CES5A: variants seen among roughly 807,000 people sequenced by gnomAD.
The protein encoded by CES5A is carboxylesterase 5.
A neutral mutation model predicts 62.9 loss-of-function variants in CES5A; 67 were observed. The ratio of observed to expected loss-of-function variants is 1.07; its 90% CI spans 0.88 to 1.31. The LOEUF is 1.31. CES5A is among the 50% of genes most tolerant of loss of function. CES5A has a pLI of 0.00. For missense variants in CES5A, 748 were observed against 708.5 expected (o/e 1.06, Z -0.63); for synonymous variants, 296 against 280.8 (o/e 1.05, Z -0.54).
At chr16:55,926,264 TA>T (rs1377123308), upstream of CES5A, among the ~76,000 whole-genome samples, 1 of 152,160 alleles carries the variant, frequency 6.6e-6, no homozygotes, top group African/African-American at 2.4e-5. Context: ...TATAAATTTT[TA>T]AAAAAGAATA....
intron 11 of CES5A, among the ~76,000 whole-genome samples, chr16:55,848,192 G>A (rs188012682): frequency 4.6e-5 from 7 of 152,186 alleles, no homozygotes; most frequent in Admixed American, 6.5e-5. Context: ...CTGCAGCCTC[G>A]AACTCGGGCT....
Position 55,852,623 on chromosome 16 carries a change from T to C in CES5A, c.1273+258A>G, listed in dbSNP as rs114985056. ...ATCCTTGGGGATGGCGCCCAGAAAA[T>C]TATAGGGAGATGAGAATTTTATACA... On this transcript the variant is annotated intron_variant, in intron 10 of 12. Transcript: ENST00000290567. Among the ~76,000 whole-genome samples, 1,188 of 152,022 alleles carry C rather than the reference T, an allele frequency of 7.8e-3. 13 individuals are homozygous for C. The highest frequency in any genetic ancestry group is 0.027 in the African/African-American group (1,140 of 41,458).
At chr16:55,871,838 C>T in intron 2 of CES5A, 75 bp from the exon 3 acceptor site, 9 of 1,530,808 alleles carry the variant, frequency 5.9e-6, no homozygotes, top group Non-Finnish European at 8.0e-6. Flanking sequence ...GTTCTTCTGA[C>T]AGCGGGGAGG....
chr16:55,924,578 T>C (rs2034240231), intron 1 of CES5A, among the ~76,000 whole-genome samples: 1 of 151,868 alleles, frequency 6.6e-6, no homozygotes, highest in African/African-American at 2.4e-5. Context: ...AATTCTGAAA[T>C]GTATATGGAA....
At chr16:55,902,324 G>A (rs2033998173) in intron 1 of CES5A, among the ~76,000 whole-genome samples, 1 of 152,054 alleles carries the variant, frequency 6.6e-6, no homozygotes, top group Non-Finnish European at 1.5e-5. Context: ...TCCCAAGGAT[G>A]GCCATCCCCA....
intron 1 of CES5A, among the ~76,000 whole-genome samples, chr16:55,900,096 C>T (rs1345480104): frequency 4.4e-4 from 67 of 152,130 alleles, no homozygotes; most frequent in Non-Finnish European, 4.4e-5. Context: ...GCAGACCCCC[C>T]TTCATCCCTA....
At chr16:55,947,064 A>G (rs1342530293) in intron 2 of CES5A, among the ~76,000 whole-genome samples, 2 of 152,202 alleles carry the variant, frequency 1.3e-5, no homozygotes, top group Non-Finnish European at 2.9e-5. Context: ...GTTAAAATGG[A>G]AAGAGAGCCA....
At chr16:55,947,856 C>T (rs768642674) in intron 2 of CES5A, among the ~76,000 whole-genome samples, 1 of 151,816 alleles carries the variant, frequency 6.6e-6, no homozygotes, top group Non-Finnish European at 1.5e-5. Context: ...CAGGGGAGGG[C>T]CAGGTCATAA....
intron 2 of CES5A, among the ~76,000 whole-genome samples, chr16:55,872,262 A>G (rs1289249889): frequency 2.0e-5 from 3 of 152,222 alleles, no homozygotes; most frequent in Non-Finnish European, 4.4e-5. Flanking sequence ...GCTTTGCTCA[A>G]GCCGGGCCCT....
intron 1 of CES5A, 150 bp downstream of exon 1, chr16:55,874,999 C>T (rs1054150702): frequency 5.9e-6 from 5 of 842,600 alleles, no homozygotes; most frequent in Admixed American, 2.0e-5. Flanking sequence ...CCTAGGTTCT[C>T]GGCAACAGCA....
intron 1 of CES5A, among the ~76,000 whole-genome samples, chr16:55,880,449 C>T (rs1279701316): frequency 6.6e-6 from 1 of 152,200 alleles, no homozygotes; most frequent in African/African-American, 2.4e-5. Context: ...GGAACACCCC[C>T]TCGTCTCACC....
intron 1 of CES5A, among the ~76,000 whole-genome samples, chr16:55,950,877 T>G (rs1219956968): frequency 6.6e-6 from 1 of 151,720 alleles, no homozygotes; most frequent in African/African-American, 2.4e-5. Context: ...CCAAGGCAGA[T>G]GGATCACGAG....
intron 1 of CES5A, among the ~76,000 whole-genome samples, chr16:55,917,213 A>T (rs2034155788): frequency 6.6e-6 from 1 of 152,084 alleles, no homozygotes; most frequent in Non-Finnish European, 1.5e-5. Flanking sequence ...TCCACCTTTG[A>T]CCTCTCCCTT....
At chr16:55,944,181 C>T in intron 2 of CES5A, 1 of 696,110 alleles carries the variant, frequency 1.4e-6, no homozygotes, top group Non-Finnish European at 2.6e-6. Flanking sequence ...GACTTGGGTC[C>T]CAGTCCTGGT....
intron 1 of CES5A, among the ~76,000 whole-genome samples, chr16:55,915,494 GA>G (rs1936038189): frequency 6.6e-6 from 1 of 152,082 alleles, no homozygotes; most frequent in Admixed American, 6.5e-5. Flanking sequence ...TTGGGGAGGG[GA>G]AAAGCTGGAC....
intron 1 of CES5A, among the ~76,000 whole-genome samples, chr16:55,899,210 G>A (rs538320151): frequency 6.6e-6 from 1 of 152,152 alleles, no homozygotes; most frequent in Non-Finnish European, 1.5e-5. Context: ...CAGAGGAATG[G>A]GGAGAGCAGC....
chr16:55,905,371 C>CTTT (rs59768092), intron 1 of CES5A, among the ~76,000 whole-genome samples: 6 of 148,166 alleles, frequency 4.0e-5, no homozygotes, highest in Admixed American at 2.0e-4. Flanking sequence ...TTAAATCTGA[C>CTTT]TTTTTTTTTT....
chr16:55,894,247 A>C (rs1007625067), intron 1 of CES5A, among the ~76,000 whole-genome samples: 4 of 151,986 alleles, frequency 2.6e-5, no homozygotes, highest in African/African-American at 4.8e-5. Flanking sequence ...GGTGGCTCAC[A>C]CCTGTAATCC....
intron 1 of CES5A, among the ~76,000 whole-genome samples, chr16:55,914,159 C>T (rs1457335045): frequency 6.6e-6 from 1 of 152,136 alleles, no homozygotes; most frequent in Non-Finnish European, 1.5e-5. Context: ...TACAGGGCCT[C>T]CTATATTTTT....
Sources: allele counts gnomAD v4.1 joint callset (sites outside exome capture counted in the v4.1 genomes callset), GRCh38; gene constraint gnomAD v4.1.1; transcripts MANE v1.5; gene names NCBI Gene and HGNC (gene_info 2026-07-23, HGNC 2026-07-21).